The following DHX9 variants were observed in gnomAD, a reference collection of about 807,000 sequenced individuals.
DHX9 encodes ATP-dependent RNA helicase A.
In DHX9, 27 loss-of-function variants were observed where a neutral mutation model predicts 148.7. That is an observed-to-expected ratio of 0.18 (90% confidence interval 0.13 to 0.25). DHX9 has a LOEUF of 0.25. DHX9 is among the 10% of genes least tolerant of loss of function. The pLI, the probability that DHX9 is intolerant of heterozygous loss-of-function variation, is 1.00. For synonymous variants in DHX9, 529 were observed against 516.6 expected (o/e 1.02, Z -0.33); for missense variants, 796 against 1,559.6 (o/e 0.51, Z 8.25).
At position 182,887,444 on chromosome 1, in the gene DHX9, A is replaced by G. The variant is rs1465852281; in HGVS notation, c.*10A>G. On this transcript the variant is annotated 3_prime_UTR_variant, in exon 28 of 28. Coordinates refer to ENST00000367549, the MANE Select transcript of DHX9 (RefSeq NM_001357.5). The stretch of plus-strand genomic sequence containing the variant: ...AGGTGGCGGCTATTAAAACTTGGTT[A>G]TGTCAGTTCCTGTGTGTAGACAGTA... 4 of 1,609,782 alleles carry G rather than the reference A, an allele frequency of 2.5e-6. No individual in the cohort carries two copies. Among genetic ancestry groups the G allele is most frequent in the East Asian group, 2.2e-5 (1 of 44,848 alleles).
intron 18 of DHX9, 132 bp downstream of exon 18, chr1:182,876,673 T>A: frequency 1.0e-6 from 1 of 962,382 alleles, no homozygotes; most frequent in Non-Finnish European, 1.6e-6. Context: ...GTCTTCTCTT[T>A]CTGAGCTTAG....
chr1:182,881,720 G>A, intron 24 of DHX9, 73 bp downstream of exon 24: 1 of 1,467,910 alleles, frequency 6.8e-7, no homozygotes. Flanking sequence ...ACAGCAAAGT[G>A]TATTTTAGTT....
chr1:182,883,612 G>A lies in DHX9; in HGVS notation c.3237G>A (p.Gly1079=), dbSNP rs761875075. The A allele has an allele frequency of 1.9e-6, 3 of 1,613,324 alleles. No homozygotes were observed. Among genetic ancestry groups the A allele is most frequent in the Non-Finnish European group, 8.5e-7 (1 of 1,179,332 alleles). Residue 1079 remains glycine (G), a synonymous_variant, in exon 26 of 28, where the codon GGG becomes GGA. Coordinates refer to ENST00000367549, the MANE Select transcript of DHX9 (RefSeq NM_001357.5). ...LFASKKVQSD[G]QIVLVDDWIK... Reference sequence around the variant, plus strand: ...CCTCCAAGAAAGTCCAATCTGATGGGCAGATTGTGCTTGTAGATGACTGGT... The same window carrying A: ...CCTCCAAGAAAGTCCAATCTGATGGACAGATTGTGCTTGTAGATGACTGGT...
chr1:182,882,558 T>G (rs1446068330), intron 24 of DHX9, among the ~76,000 whole-genome samples: 4 of 152,130 alleles, frequency 2.6e-5, no homozygotes, highest in African/African-American at 4.8e-5. Context: ...GATGGTTGAT[T>G]GGGGGACTTT....
chr1:182,884,707 G>C lies in DHX9; in HGVS notation c.3355G>C (p.Ala1119Pro), dbSNP rs750048003. ...ALVVEVTKQPAIISQLDPVNE... is the reference protein window; with the variant it reads ...ALVVEVTKQPPIISQLDPVNE... ...GGTTGTTGAAGTAACCAAACAACCT[G>C]CTATCATCAGCCAGTTGGACCCCGT... is the stretch of plus-strand genomic sequence containing the variant. The change falls in exon 27 of 28, where the codon GCT becomes CCT. Residue 1119 changes from alanine (A) to proline (P), a missense_variant. Physicochemically the swap from Ala to Pro is conservative, Grantham distance 27. Around this residue, in one of 14 missense-constraint regions of DHX9, gnomAD observed 86 missense variants for 156.3 expected, o/e 0.55. Coordinates refer to ENST00000367549, the MANE Select transcript of DHX9 (RefSeq NM_001357.5). The C allele has an allele frequency of 6.2e-7, 1 of 1,614,158 alleles. No homozygotes were observed. The highest frequency in any genetic ancestry group is 8.5e-7 in the Non-Finnish European group (1 of 1,180,036).
At position 182,862,761 on chromosome 1, in the gene DHX9, A is replaced by G. The variant is rs16859759; in HGVS notation, c.1332+2577A>G. On this transcript the variant is annotated intron_variant, in intron 12 of 27. Coordinates refer to ENST00000367549, the MANE Select transcript of DHX9 (RefSeq NM_001357.5). ...GGAAGAAATTGCTGTAGTTCTGAGT[A>G]AATGGCAAGAGGTGTACATTAAAGG... 5.0e-3 allele frequency among the ~76,000 whole-genome samples: 764 copies of G among 152,356 alleles called. 21 individuals carry two copies. The East Asian group carries it at 0.054, about 11-fold the overall frequency.
chr1:182,885,152 T>C (rs920340625), intron 27 of DHX9, among the ~76,000 whole-genome samples: 1 of 152,216 alleles, frequency 6.6e-6, no homozygotes, highest in African/African-American at 2.4e-5. Flanking sequence ...TTGGCATCTC[T>C]AAAGAAAAAT....
intron 21 of DHX9, 70 bp downstream of exon 21, chr1:182,879,480 A>G: frequency 7.6e-7 from 1 of 1,313,402 alleles, no homozygotes; most frequent in Non-Finnish European, 9.9e-7. Context: ...GGCAGATAAC[A>G]CTTACAAATG....
At position 182,867,007 on chromosome 1, in the gene DHX9, T is replaced by C. The variant is rs376040874; in HGVS notation, c.1521T>C (p.His507=). The C allele has an allele frequency of 5.0e-6, 8 of 1,606,868 alleles. No homozygotes were observed. The highest frequency in any genetic ancestry group is 2.2e-5 in the East Asian group (1 of 44,556). ...AAGCAGGCATTCGAGGAATCAGTCA[T>C]GTAATTGTAGATGAAATACATGAAA... ...KLEAGIRGIS[H]VIVDEIHERD... The change falls in exon 14 of 28, where the codon CAT becomes CAC. Residue 507 remains histidine (H), a synonymous_variant. Transcript: ENST00000367549.
intron 18 of DHX9, 124 bp from the exon 19 acceptor site, chr1:182,876,706 T>TTA: frequency 1.1e-6 from 1 of 910,462 alleles, no homozygotes; most frequent in Non-Finnish European, 1.7e-6. Context: ...CATTAATCAG[T>TTA]TATTGGGTGA....
chr1:182,848,316 CGAG>C (rs1417922705), intron 3 of DHX9, among the ~76,000 whole-genome samples: 1 of 152,152 alleles, frequency 6.6e-6, no homozygotes, highest in East Asian at 1.9e-4. Context: ...TGTTGTAACT[CGAG>C]GAGGCCACTG....
At chr1:182,848,921 C>T (rs954378540) in intron 3 of DHX9, among the ~76,000 whole-genome samples, 2 of 152,194 alleles carry the variant, frequency 1.3e-5, no homozygotes, top group Non-Finnish European at 1.5e-5. Flanking sequence ...AGAACTCACT[C>T]ACTGTTGCTA....
chr1:182,844,642 TCCTG>T (rs1362499722), intron 3 of DHX9, among the ~76,000 whole-genome samples: 2 of 152,250 alleles, frequency 1.3e-5, no homozygotes, highest in Non-Finnish European at 2.9e-5. Context: ...CAAGCAGTTC[TCCTG>T]CCTCAGTCTC....
chr1:182,885,700 C>T (rs1649288107), intron 27 of DHX9, among the ~76,000 whole-genome samples: 1 of 152,166 alleles, frequency 6.6e-6, no homozygotes, highest in African/African-American at 2.4e-5. Flanking sequence ...AAACCAGGCA[C>T]AGATAAGACC....
At chr1:182,872,728 G>A (rs1648600155) in intron 15 of DHX9, among the ~76,000 whole-genome samples, 1 of 152,184 alleles carries the variant, frequency 6.6e-6, no homozygotes, top group Non-Finnish European at 1.5e-5. Context: ...TGCATATGCA[G>A]TAAGTTTCCA....
At chr1:182,868,944 T>C (rs144228851) in intron 14 of DHX9, among the ~76,000 whole-genome samples, 1 of 152,354 alleles carries the variant, frequency 6.6e-6, no homozygotes, top group East Asian at 1.9e-4. Context: ...TTGTCCTTTA[T>C]AATCTCTTGG....
Position 182,876,456 on chromosome 1 carries a change from G to A in DHX9, c.2039G>A (p.Arg680Gln), listed in dbSNP as rs1648764269. 7 of 1,613,340 alleles carry A rather than the reference G, an allele frequency of 4.3e-6. No individual in the cohort carries two copies. Among genetic ancestry groups the A allele is most frequent in the Non-Finnish European group, 5.9e-6 (7 of 1,179,612 alleles). Residue 680 changes from arginine to glutamine, a missense_variant, in exon 18 of 28, where the codon CGG (arginine) becomes CAG (glutamine). By Grantham distance (43) the Arg-to-Gln change is conservative. This residue lies in a region of DHX9 where 133 missense variants were observed against 223.8 expected (regional missense o/e 0.59). Transcript: ENST00000367549. ...CTTTATTGTTATATAGGAAGCCATC[G>A]GTATCAGATTCTACCCCTGCATTCT... ...LEMNPHFGSH[R>Q]YQILPLHSQI...
chr1:182,878,307 G>A, intron 20 of DHX9, 134 bp downstream of exon 20: 1 of 983,402 alleles, frequency 1.0e-6, no homozygotes, highest in South Asian at 1.8e-5. Context: ...AGGTGTAAAT[G>A]TTTCGTAAGA....
chr1:182,864,617 A>G (rs11799865), intron 12 of DHX9, among the ~76,000 whole-genome samples: 1,869 of 152,292 alleles, frequency 0.012, 31 homozygotes, highest in African/African-American at 0.038. Flanking sequence ...GTCAAGGGCT[A>G]TTGAGGAAAC....
Sources: allele counts gnomAD v4.1 joint callset (sites outside exome capture counted in the v4.1 genomes callset), GRCh38; gene constraint gnomAD v4.1.1; regional missense constraint gnomAD v4.1.1; transcripts MANE v1.5; gene names NCBI Gene and HGNC (gene_info 2026-07-23, HGNC 2026-07-21).